Variants in PC observed in about 807,000 individuals in gnomAD.
The protein encoded by PC is pyruvate carboxylase, mitochondrial.
PC carries 46 observed loss-of-function variants against 107.8 expected under a neutral mutation model. That is an observed-to-expected ratio of 0.43 (90% CI 0.34 to 0.55). PC has a LOEUF of 0.55. Ranked by LOEUF, PC falls within the 20% of genes least tolerant of loss-of-function variation. The pLI is 0.04. For synonymous variants in PC, 662 were observed against 684.7 expected (o/e 0.97, Z 0.52); for missense variants, 1,241 against 1,643.1 (o/e 0.76, Z 4.23).
chr11:66,850,171 C>A, intron 19 of PC, 49 bp downstream of exon 19: 25 of 1,613,804 alleles, frequency 1.5e-5, no homozygotes, highest in Non-Finnish European at 2.0e-5. Context: ...AGGCCAGTGG[C>A]AGGTGCATGC....
Position 66,858,854 on chromosome 11 carries a change from C to T in PC, c.1368+4920G>A. On this transcript the variant is annotated intron_variant, in intron 12 of 22. Transcript: ENST00000393960. This position sits in a 1 kb window ranked among gnomAD's most constrained non-coding sequence, Gnocchi z 5.9. Reference sequence around the variant, plus strand: ...CCCGAGTAGAACTGCGGGTGCTGGCCTTGCCCCATGGTGGGAACAGCAGTG... The same window carrying T: ...CCCGAGTAGAACTGCGGGTGCTGGCTTTGCCCCATGGTGGGAACAGCAGTG... The T allele has an allele frequency of 9.7e-6, 15 of 1,554,268 alleles. No homozygotes were observed. The highest frequency in any genetic ancestry group is 1.3e-5 in the Non-Finnish European group (15 of 1,150,114).
At chr11:66,859,590 G>C in intron 12 of PC, 2 of 1,609,562 alleles carry the variant, frequency 1.2e-6, no homozygotes, top group East Asian at 4.5e-5. Flanking sequence ...GGTGAGGATG[G>C]GGCTAGACCC....
At position 66,868,563 on chromosome 11, in the gene PC, C is replaced by T. The variant is rs6591224; in HGVS notation, c.1022+283G>A. Among the ~76,000 whole-genome samples, 1,400 of 152,336 alleles carry T rather than the reference C, an allele frequency of 9.2e-3. 27 individuals are homozygous for T. Among genetic ancestry groups the T allele is most frequent in the African/African-American group, 0.031 (1,294 of 41,566 alleles). On this transcript the variant is annotated intron_variant, in intron 10 of 22. Coordinates refer to ENST00000393960, the MANE Select transcript of PC (RefSeq NM_001040716.2). ...AATGTCTCTGAGCCTTGCTTTACTC[C>T]TCTGACAGATGGGAGCACCTGGGCC... is the stretch of plus-strand genomic sequence containing the variant.
intron 3 of PC, among the ~76,000 whole-genome samples, chr11:66,899,436 GAGGGCAGT>G (rs1394197496): frequency 6.6e-6 from 1 of 152,150 alleles, no homozygotes; most frequent in Non-Finnish European, 1.5e-5. Flanking sequence ...GCCCAGGCTG[GAGGGCAGT>G]GGCACGACCA....
At chr11:66,864,225 C>T (rs953166550) in intron 11 of PC, among the ~76,000 whole-genome samples, 7 of 152,232 alleles carry the variant, frequency 4.6e-5, no homozygotes, top group African/African-American at 7.2e-5. Flanking sequence ...GAATGCCTGC[C>T]GCAGAGCGGG....
chr11:66,937,177 T>C (rs1270867456), intron 3 of PC, among the ~76,000 whole-genome samples: 1 of 152,092 alleles, frequency 6.6e-6, no homozygotes, highest in Non-Finnish European at 1.5e-5. Context: ...CAAGGAAGCT[T>C]GACTAATTGT....
At position 66,902,477 on chromosome 11, in the gene PC, A is replaced by G. The variant is rs1234529162; in HGVS notation, c.1-30318T>C. On this transcript the variant is annotated intron_variant, in intron 3 of 22. Coordinates refer to ENST00000393960, the MANE Select transcript of PC (RefSeq NM_001040716.2). ...AGCATGGAAAGACACCCAGATGAAC[A>G]GCTTGCCTATGGTCTCAGAGCTCAA... Among the ~76,000 whole-genome samples, 3 of 152,184 alleles carry G rather than the reference A, an allele frequency of 2.0e-5. No homozygotes were observed. In the East Asian group the frequency reaches 5.8e-4, roughly 29 times the overall value.
chr11:66,918,475 G>A (rs1240275001), intron 3 of PC, among the ~76,000 whole-genome samples: 7 of 150,940 alleles, frequency 4.6e-5, no homozygotes, highest in African/African-American at 1.5e-4. Flanking sequence ...TGCAGCCTCC[G>A]CCTCCTGGGT....
Position 66,942,040 on chromosome 11 carries a change from T to C in PC, c.-1+10390A>G, listed in dbSNP as rs374344398. 1.0e-4 allele frequency among the ~76,000 whole-genome samples: 15 copies of C among 149,286 alleles called. No individual in the cohort carries two copies. The South Asian group carries it at 2.8e-3, about 27-fold the overall frequency. ...TCGCTTGAACTCGGGAGGCAGAGGT[T>C]GTAGTGAGCCGAGATCGCACCATTG... On this transcript the variant is annotated intron_variant, in intron 3 of 22. Transcript: ENST00000393960.
intron 3 of PC, among the ~76,000 whole-genome samples, chr11:66,888,056 G>C (rs779990540): frequency 1.1e-4 from 17 of 152,146 alleles, no homozygotes; most frequent in Non-Finnish European, 2.4e-4. Context: ...GATGGCATTC[G>C]GGGCCCACCT....
chr11:66,936,508 C>T (rs1195215869), intron 3 of PC, among the ~76,000 whole-genome samples: 1 of 152,062 alleles, frequency 6.6e-6, no homozygotes, highest in Non-Finnish European at 1.5e-5. Flanking sequence ...GGGTAAATTC[C>T]CCTTTGTGAG....
intron 3 of PC, among the ~76,000 whole-genome samples, chr11:66,923,692 G>A (rs1948646913): frequency 6.6e-6 from 1 of 151,706 alleles, no homozygotes; most frequent in African/African-American, 2.4e-5. Context: ...ACTAATTTTT[G>A]TATTTTTAGT....
rs1365392866 is a variant in PC at position 66,850,436 on chromosome 11, G to A, written c.2502C>T (p.Tyr834=). The A allele has an allele frequency of 5.0e-6, 8 of 1,614,018 alleles. No homozygotes were observed. The highest frequency in any genetic ancestry group is 2.2e-5 in the South Asian group (2 of 91,086). ...CCCGAGCCCCCTCCCAGTACTCACT[G>A]TAGTCAAACACGCGCTCCATGGGCA... is the stretch of plus-strand genomic sequence containing the variant. The part of the protein sequence containing the change: ...TEVPMERVFD[Y]SEYWEGARGL... The change falls in exon 19 of 23, where the codon TAC becomes TAT. Residue 834 remains tyrosine (Y), a synonymous_variant. Coordinates refer to ENST00000393960, the MANE Select transcript of PC (RefSeq NM_001040716.2).
chr11:66,861,337 G>A (rs1183978287), intron 12 of PC, among the ~76,000 whole-genome samples: 1 of 152,228 alleles, frequency 6.6e-6, no homozygotes, highest in East Asian at 1.9e-4. Flanking sequence ...GGTGCTGTAT[G>A]AAAACTCAGA....
chr11:66,947,470 C>T (rs1209784515), intron 3 of PC, among the ~76,000 whole-genome samples: 1 of 151,596 alleles, frequency 6.6e-6, no homozygotes, highest in Non-Finnish European at 1.5e-5. Flanking sequence ...GCCTGTAGTC[C>T]CAGCTACTCG....
intron 3 of PC, among the ~76,000 whole-genome samples, chr11:66,936,255 AC>A (rs1237657378): frequency 6.6e-6 from 1 of 151,528 alleles, no homozygotes; most frequent in Non-Finnish European, 1.5e-5. Context: ...ACACACACAC[AC>A]AAAAAAAAGG....
chr11:66,946,994 A>T (rs1949313376), intron 3 of PC, among the ~76,000 whole-genome samples: 3 of 152,174 alleles, frequency 2.0e-5, no homozygotes, highest in African/African-American at 7.2e-5. Context: ...AACCATAGCC[A>T]GTGTTGGGGA....
rs376296054 is a variant in PC, at chr11:66,870,284, G to A, written c.903+18C>T. On this transcript the variant is annotated intron_variant, in intron 9 of 22. Coordinates refer to ENST00000393960, the MANE Select transcript of PC (RefSeq NM_001040716.2). This position sits in a 1 kb window ranked among gnomAD's most constrained non-coding sequence, Gnocchi z 6.1. ...TGAGCACAGGCTCCTGTCCCAACAC[G>A]GGAAGCCCACCCTTCACCTGTTTAG... The A allele has an allele frequency of 2.9e-5, 46 of 1,612,026 alleles. No individual in the cohort carries two copies. The highest frequency in any genetic ancestry group is 1.8e-4 in the Middle Eastern group (1 of 5,676).
chr11:66,886,315 A>C (rs935782547), intron 3 of PC, among the ~76,000 whole-genome samples: 4 of 150,414 alleles, frequency 2.7e-5, no homozygotes, highest in African/African-American at 9.7e-5. Context: ...CAGGGAGTGC[A>C]GGCAGGGAGA....
Sources: allele counts gnomAD v4.1 joint callset (sites outside exome capture counted in the v4.1 genomes callset), GRCh38; gene constraint gnomAD v4.1.1; non-coding constraint Gnocchi (gnomAD v3.1); transcripts MANE v1.5; gene names NCBI Gene and HGNC (gene_info 2026-07-23, HGNC 2026-07-21).